The following SPTLC2 variants were observed in gnomAD, a reference collection of about 807,000 sequenced individuals.
SPTLC2 encodes serine palmitoyltransferase 2.
SPTLC2 carries 21 observed loss-of-function variants against 62.0 expected under a neutral mutation model. That is an observed-to-expected ratio of 0.34 (90% CI 0.24 to 0.49). The LOEUF (loss-of-function observed/expected upper bound fraction) is 0.49. SPTLC2 is among the 20% of genes least tolerant of loss of function. The pLI, the probability that SPTLC2 is intolerant of heterozygous loss-of-function variation, is 0.99. For missense variants in SPTLC2, 511 were observed against 713.0 expected (o/e 0.72, Z 3.23); for synonymous variants, 261 against 261.8 (o/e 1.00, Z 0.03).
intron 5 of SPTLC2, among the ~76,000 whole-genome samples, chr14:77,569,957 G>T: frequency 6.8e-6 from 1 of 147,376 alleles, no homozygotes; most frequent in South Asian, 2.2e-4. Flanking sequence ...GAGCCACTGC[G>T]CCTGGCCACA....
At chr14:77,543,287 G>A (rs924558169) in intron 9 of SPTLC2, among the ~76,000 whole-genome samples, 4 of 152,044 alleles carry the variant, frequency 2.6e-5, no homozygotes, top group East Asian at 3.9e-4. Context: ...TCTTGATCTC[G>A]AGTGATCCGC....
chr14:77,542,980 G>T (rs1167516749), intron 9 of SPTLC2, among the ~76,000 whole-genome samples: 2 of 152,190 alleles, frequency 1.3e-5, no homozygotes, highest in African/African-American at 2.4e-5. Context: ...CAGAAAAGAG[G>T]CCAAGTGCCT....
chr14:77,562,339 C>T (rs2140026481), intron 6 of SPTLC2, 57 bp downstream of exon 6: 3 of 1,448,550 alleles, frequency 2.1e-6, no homozygotes, highest in Middle Eastern at 1.8e-4. Context: ...TAACTCCCAC[C>T]ATGGATCGAA....
chr14:77,580,128 T>C (rs2079739991), intron 2 of SPTLC2, among the ~76,000 whole-genome samples: 1 of 151,932 alleles, frequency 6.6e-6, no homozygotes, highest in African/African-American at 2.4e-5. Flanking sequence ...TTTTCAAGGA[T>C]CAAAATGAAA....
At chr14:77,525,207 G>A (rs1285584821) in intron 9 of SPTLC2, among the ~76,000 whole-genome samples, 1 of 151,692 alleles carries the variant, frequency 6.6e-6, no homozygotes, top group East Asian at 1.9e-4. Context: ...GATCTCTTGA[G>A]TCAGGAGTTT....
chr14:77,578,710 ACTCCAT>A, intron 3 of SPTLC2: 1 of 397,938 alleles, frequency 2.5e-6, no homozygotes, highest in East Asian at 5.6e-5. Flanking sequence ...ACAGAGCGAA[ACTCCAT>A]CTCAAAAAAT....
At chr14:77,603,417 C>G (rs2079888443) in intron 1 of SPTLC2, among the ~76,000 whole-genome samples, 2 of 152,166 alleles carry the variant, frequency 1.3e-5, no homozygotes, top group Admixed American at 6.5e-5. Flanking sequence ...ACTGTCCTTG[C>G]AATTTTACTG....
chr14:77,535,791 TCTA>T (rs1171117007), intron 9 of SPTLC2: 1 of 336,774 alleles, frequency 3.0e-6, no homozygotes, highest in Non-Finnish European at 5.8e-6. Context: ...GACTGATTCC[TCTA>T]CTATTATGAC....
Position 77,506,618 on chromosome 14 carries a change from A to G in SPTLC2, c.*5666T>C, listed in dbSNP as rs950384062. 1.3e-5 allele frequency: 2 copies of G among 152,220 alleles called. No individual in the cohort carries two copies. Among genetic ancestry groups the G allele is most frequent in the African/African-American group, 4.8e-5 (2 of 41,456 alleles). 9.4% of individuals were successfully genotyped at this position (152,220 alleles called of 1,614,324 possible). On this transcript the variant is annotated 3_prime_UTR_variant, in exon 12 of 12. Transcript: ENST00000216484. ...AAGACTTAATGTTAAGGGTAAAGAC[A>G]CCACGCCACCCTAGTCAGTGACATG...
intron 9 of SPTLC2, among the ~76,000 whole-genome samples, chr14:77,526,154 T>G (rs920793141): frequency 1.3e-5 from 2 of 152,160 alleles, no homozygotes; most frequent in Non-Finnish European, 2.9e-5. Flanking sequence ...AAAGTGAAAC[T>G]GAATCTTAAC....
rs551602347 is a variant in SPTLC2, at chr14:77,507,669, A to G, written c.*4615T>C. On this transcript the variant is annotated 3_prime_UTR_variant, in exon 12 of 12. Coordinates refer to ENST00000216484, the MANE Select transcript of SPTLC2 (RefSeq NM_004863.4). ...CATGTGGATAAAGTTGAGGCGAGAAAAAGACATGTTTTTCTCCACATGGAA... is the reference window on the plus strand; with the variant it reads ...CATGTGGATAAAGTTGAGGCGAGAAGAAGACATGTTTTTCTCCACATGGAA... 19 of 152,316 alleles carry G rather than the reference A, an allele frequency of 1.2e-4. No homozygotes were observed. The highest frequency in any genetic ancestry group is 4.3e-4 in the African/African-American group (18 of 41,564). 9.4% of individuals were successfully genotyped at this position (152,316 alleles called of 1,614,324 possible). A position where few individuals can be genotyped will look rare whatever the true frequency, so the allele number is the denominator to read the frequency against.
chr14:77,527,231 G>A (rs1198800487), intron 9 of SPTLC2, among the ~76,000 whole-genome samples: 1 of 151,970 alleles, frequency 6.6e-6, no homozygotes. Context: ...TGAGTAGCTG[G>A]GATTACAGGC....
chr14:77,522,884 A>C (rs979084715), intron 9 of SPTLC2, among the ~76,000 whole-genome samples: 19 of 152,254 alleles, frequency 1.2e-4, no homozygotes, highest in African/African-American at 4.6e-4. Flanking sequence ...ACAGATAGCT[A>C]ACAATGTCCT....
chr14:77,598,256 A>C, intron 1 of SPTLC2, among the ~76,000 whole-genome samples: 1 of 152,188 alleles, frequency 6.6e-6, no homozygotes. Flanking sequence ...GAAGGGGAGC[A>C]AGAAGGACTG....
chr14:77,533,123 C>A (rs549685376), intron 9 of SPTLC2, among the ~76,000 whole-genome samples: 119 of 151,974 alleles, frequency 7.8e-4, no homozygotes, highest in South Asian at 1.7e-3. Flanking sequence ...CATGGTGAAA[C>A]CCTGTCTCTA....
At position 77,576,685 on chromosome 14, in the gene SPTLC2, C is replaced by T. The variant is rs1050135241; in HGVS notation, c.631+82G>A. ...CATGACAAAGTGTAGATATTTAATA[C>T]TCTAGGTCAATATTACTATTATTTG... On this transcript the variant is annotated intron_variant, in intron 4 of 11. Transcript: ENST00000216484. 1.9e-6 allele frequency: 3 copies of T among 1,580,144 alleles called. No individual in the cohort carries two copies. The African/African-American group carries it at 4.0e-5, about 21-fold the overall frequency.
Position 77,510,920 on chromosome 14 carries a change from A to G in SPTLC2, c.*1364T>C, listed in dbSNP as rs2079329387. 6.6e-6 allele frequency: 1 copy of G among 152,656 alleles called. No homozygotes were observed. Among genetic ancestry groups the G allele is most frequent in the Non-Finnish European group, 1.5e-5 (1 of 68,048 alleles). 9.5% of individuals were successfully genotyped at this position (152,656 alleles called of 1,614,324 possible). A position where few individuals can be genotyped will look rare whatever the true frequency, so the allele number is the denominator to read the frequency against. On this transcript the variant is annotated 3_prime_UTR_variant, in exon 12 of 12. Coordinates refer to ENST00000216484, the MANE Select transcript of SPTLC2 (RefSeq NM_004863.4). ...AAACTTTGGTTCAACTGAAAAAATA[A>G]CTTTAAAATGGTGATTTTCAGATTT... is the stretch of plus-strand genomic sequence containing the variant.
Position 77,558,337 on chromosome 14 carries a change from G to A in SPTLC2, c.851-1191C>T, listed in dbSNP as rs551448693. Among the ~76,000 whole-genome samples the A allele has an allele frequency of 2.9e-3, 444 of 151,842 alleles. 1 individual carries two copies. Among genetic ancestry groups the A allele is most frequent in the African/African-American group, 0.01 (420 of 41,390 alleles). On this transcript the variant is annotated intron_variant, in intron 6 of 11. Transcript: ENST00000216484. Reference sequence around the variant, plus strand: ...CTGGGATTACAGGCGTGAGCACCACGCCTGGCCCTATCATAAAATCTGATT... The same window carrying A: ...CTGGGATTACAGGCGTGAGCACCACACCTGGCCCTATCATAAAATCTGATT...
In SPTLC2 at chr14:77,510,089, C is replaced by A. The variant is rs1435662801; in HGVS notation, c.*2195G>T. 1 of 396,330 alleles carries A rather than the reference C, an allele frequency of 2.5e-6. No individual in the cohort carries two copies. Among genetic ancestry groups the A allele is most frequent in the Non-Finnish European group, 4.4e-6 (1 of 225,194 alleles). The allele number at this position is 396,330 out of a possible 1,614,324, so 24.6% of individuals were successfully genotyped here. ...ATTCTATGGTAGGAAACTAGATGTG[C>A]AGAAAAGGTTGACAATGTATTTGAT... is the stretch of plus-strand genomic sequence containing the variant. On this transcript the variant is annotated 3_prime_UTR_variant, in exon 12 of 12. Coordinates refer to ENST00000216484, the MANE Select transcript of SPTLC2 (RefSeq NM_004863.4).
Sources: gnomAD v4.1 joint callset for allele counts (sites outside exome capture counted in the v4.1 genomes callset) on GRCh38, gnomAD v4.1.1 for gene constraint, MANE v1.5 for transcripts, NCBI Gene and HGNC (gene_info 2026-07-23, HGNC 2026-07-21) for gene names.